Variants in EHMT1 observed in about 807,000 individuals in gnomAD.
EHMT1 encodes euchromatic histone lysine methyltransferase 1, also known as histone-lysine N-methyltransferase EHMT1.
A neutral mutation model predicts 147.2 loss-of-function variants in EHMT1; 15 were observed. That is an observed-to-expected ratio of 0.10 (90% confidence interval 0.07 to 0.16). The LOEUF (loss-of-function observed/expected upper bound fraction) is 0.16. Among genes scored for constraint, EHMT1 ranks in the 10% least tolerant of loss-of-function variants. The pLI is 1.00. For missense variants in EHMT1, 1,587 were observed against 1,772.4 expected (o/e 0.90, Z 1.88); for synonymous variants, 795 against 709.6 (o/e 1.12, Z -1.91).
At position 137,752,394 on chromosome 9, in the gene EHMT1, G is replaced by A. The variant is rs1234049900; in HGVS notation, c.1234G>A (p.Asp412Asn). The change falls in exon 7 of 27, where the codon GAC (aspartate) becomes AAC (asparagine). Residue 412 changes from aspartate (D) to asparagine (N), a missense_variant. By Grantham distance (23) the Asp-to-Asn change is conservative. This residue lies in a region of EHMT1 where 810 missense variants were observed against 673.0 expected (regional missense o/e 1.20). Transcript: ENST00000460843. The stretch of plus-strand genomic sequence containing the variant: ...CACCGGGGAGGAGGAGGAAGGCGGT[G>A]ACGAGTCTGACCTGGTAATGCCCAG... ...VDTGEEEEGGDESDLSSESSI... is the reference protein window; with the variant it reads ...VDTGEEEEGGNESDLSSESSI... 6.2e-7 allele frequency: 1 copy of A among 1,613,954 alleles called. No homozygotes were observed. The highest frequency in any genetic ancestry group is 8.5e-7 in the Non-Finnish European group (1 of 1,179,952).
At chr9:137,721,979 ATTT>A (rs398069071) in intron 3 of EHMT1, among the ~76,000 whole-genome samples, 5 of 141,092 alleles carry the variant, frequency 3.5e-5, no homozygotes, top group African/African-American at 1.3e-4. Context: ...AATTTCTCTA[ATTT>A]TTTTTTTTTT....
At chr9:137,710,568 A>G (rs1303201128) in intron 1 of EHMT1, among the ~76,000 whole-genome samples, 1 of 102,548 alleles carries the variant, frequency 9.8e-6, no homozygotes, top group African/African-American at 3.4e-5. Flanking sequence ...AATTTTCTTG[A>G]TTTATCTATT....
chr9:137,827,853 G>A (rs1406735418), intron 25 of EHMT1, among the ~76,000 whole-genome samples: 2 of 151,194 alleles, frequency 1.3e-5, no homozygotes, highest in African/African-American at 4.9e-5. Context: ...CCGAAACCTA[G>A]GTGGAAGGTT....
intron 1 of EHMT1, among the ~76,000 whole-genome samples, chr9:137,701,345 G>A (rs942248047): frequency 6.6e-6 from 1 of 150,816 alleles, no homozygotes; most frequent in African/African-American, 2.4e-5. Context: ...GTGCAATGAT[G>A]CGATCTCAGC....
At chr9:137,739,063 A>G (rs960911435) in intron 4 of EHMT1, among the ~76,000 whole-genome samples, 1 of 147,200 alleles carries the variant, frequency 6.8e-6, no homozygotes, top group Admixed American at 6.7e-5. Flanking sequence ...TGGTGTGTGT[A>G]TTTTACTAGT....
intron 25 of EHMT1, among the ~76,000 whole-genome samples, chr9:137,829,816 C>T (rs1302757775): frequency 6.6e-6 from 1 of 152,246 alleles, no homozygotes; most frequent in African/African-American, 2.4e-5. Context: ...GGTTTGGCGA[C>T]ACTCACACCG....
chr9:137,619,088 C>T (rs1334520343), intron 1 of EHMT1, 39 bp downstream of exon 1: 53 of 696,142 alleles, frequency 7.6e-5, no homozygotes, highest in Non-Finnish European at 8.8e-5. Flanking sequence ...GCGGGGGCGG[C>T]GGGCAGCGGC....
At chr9:137,706,085 A>AG (rs555319013) in intron 1 of EHMT1, among the ~76,000 whole-genome samples, 2,140 of 35,432 alleles carry the variant, frequency 0.06, 45 homozygotes, top group African/African-American at 0.17. Context: ...GTGGGGCATC[A>AG]GGGGCGGGGC....
intron 25 of EHMT1, among the ~76,000 whole-genome samples, chr9:137,820,735 C>T (rs1564824210): frequency 1.3e-5 from 2 of 152,338 alleles, no homozygotes; most frequent in East Asian, 3.9e-4. Context: ...TGTCTTTTCC[C>T]CAGTCAGCAG....
At chr9:137,822,894 C>CAAA (rs1645464211) in intron 25 of EHMT1, among the ~76,000 whole-genome samples, 30 of 116,444 alleles carry the variant, frequency 2.6e-4, no homozygotes, top group African/African-American at 2.0e-3. Flanking sequence ...AACTTCATCT[C>CAAA]GAAAAAAAAA....
chr9:137,686,652 A>G (rs1180273943), intron 1 of EHMT1, among the ~76,000 whole-genome samples: 1 of 150,462 alleles, frequency 6.6e-6, no homozygotes, highest in Admixed American at 6.6e-5. Flanking sequence ...GAGTGCTGGG[A>G]TTAGAGGTGT....
chr9:137,728,417 C>G lies in EHMT1; in HGVS notation c.711C>G (p.Ile237Met). 6.2e-7 allele frequency: 1 copy of G among 1,614,192 alleles called. No individual in the cohort carries two copies. Among genetic ancestry groups the G allele is most frequent in the Non-Finnish European group, 8.5e-7 (1 of 1,180,032 alleles). Residue 237 changes from isoleucine (I) to methionine (M), a missense_variant, in exon 4 of 27, where the codon ATC becomes ATG. Physicochemically the swap from Ile to Met is conservative, Grantham distance 10 (BLOSUM62 1). Around this residue, in one of 7 missense-constraint regions of EHMT1, gnomAD observed 810 missense variants for 673.0 expected, o/e 1.20. Coordinates refer to ENST00000460843, the MANE Select transcript of EHMT1 (RefSeq NM_024757.5). ...ATCATAAGGAACCAAAAGAGGAGAT[C>G]AACAAAAACATTTCTGACTTTGGAC... is the stretch of plus-strand genomic sequence containing the variant. ...ARDHKEPKEE[I>M]NKNISDFGRQ... is the part of the protein sequence containing the mutation.
At position 137,782,683 on chromosome 9, in the gene EHMT1, C is replaced by T. The variant is rs555194774; in HGVS notation, c.2382+286C>T. On this transcript the variant is annotated intron_variant, in intron 15 of 26. Coordinates refer to ENST00000460843, the MANE Select transcript of EHMT1 (RefSeq NM_024757.5). This position sits in a 1 kb window ranked among gnomAD's most constrained non-coding sequence, Gnocchi z 5.7. Reference sequence around the variant, plus strand: ...TTGGTTCTTCACACTCATGACGTCCCTCTGGGGGAGCCAAGCACTCGCAGA... The same window carrying T: ...TTGGTTCTTCACACTCATGACGTCCTTCTGGGGGAGCCAAGCACTCGCAGA... Among the ~76,000 whole-genome samples, 1 of 152,316 alleles carries T rather than the reference C, an allele frequency of 6.6e-6. No homozygotes were observed. Among genetic ancestry groups the T allele is most frequent in the Admixed American group, 6.5e-5 (1 of 15,306 alleles).
At chr9:137,649,786 C>CCA (rs74279660) in intron 1 of EHMT1, among the ~76,000 whole-genome samples, 52 of 152,150 alleles carry the variant, frequency 3.4e-4, no homozygotes, top group Non-Finnish European at 6.3e-4. Context: ...TTCAGAGGGA[C>CCA]CACGCCCTGC....
intron 25 of EHMT1, among the ~76,000 whole-genome samples, chr9:137,824,815 A>G (rs999377870): frequency 3.3e-5 from 5 of 152,110 alleles, no homozygotes; most frequent in African/African-American, 1.2e-4. Flanking sequence ...GAAATACTTG[A>G]TTTTTTTGTG....
intron 1 of EHMT1, among the ~76,000 whole-genome samples, chr9:137,630,522 T>G (rs1428696502): frequency 6.6e-6 from 1 of 152,202 alleles, no homozygotes; most frequent in Non-Finnish European, 1.5e-5. Flanking sequence ...TTAACAAAAA[T>G]TAGGCATTTT....
intron 10 of EHMT1, chr9:137,763,211 A>C: frequency 2.5e-6 from 1 of 408,138 alleles, no homozygotes; most frequent in Non-Finnish European, 4.5e-6. Flanking sequence ...CAGGCCCCGC[A>C]AGGGCCGGGC....
chr9:137,708,632 C>T (rs554090471), intron 1 of EHMT1, among the ~76,000 whole-genome samples: 8 of 152,222 alleles, frequency 5.3e-5, no homozygotes, highest in Non-Finnish European at 1.2e-4. Context: ...GGGACAGATA[C>T]ACATTTACAT....
chr9:137,819,902 C>G (rs1377551932), intron 25 of EHMT1: 1 of 152,148 alleles, frequency 6.6e-6, no homozygotes, highest in Non-Finnish European at 1.5e-5. Context: ...TTGACCCATC[C>G]CAGCCCTCAT....
Sources: gnomAD v4.1 joint callset for allele counts (sites outside exome capture counted in the v4.1 genomes callset) on GRCh38, gnomAD v4.1.1 for gene constraint, gnomAD v4.1.1 regional missense constraint, Gnocchi (gnomAD v3.1) non-coding constraint, MANE v1.5 for transcripts, NCBI Gene and HGNC (gene_info 2026-07-23, HGNC 2026-07-21) for gene names.